The following RHOT1 variants were observed in gnomAD, a reference collection of about 807,000 sequenced individuals.
The protein encoded by RHOT1 is ras homolog family member T1, also known as mitochondrial Rho GTPase 1.
Under a neutral mutation model 95.3 loss-of-function variants are expected in RHOT1, and 27 were observed. That is an observed-to-expected ratio of 0.28 (90% CI 0.21 to 0.39). RHOT1 has a LOEUF of 0.39. RHOT1 is among the 10% of genes least tolerant of loss of function. RHOT1 has a pLI of 1.00. For missense variants in RHOT1, 578 were observed against 786.7 expected, an observed-to-expected ratio of 0.73 and a Z score of 3.17; for synonymous variants, 227 against 263.5, an observed-to-expected ratio of 0.86 and a Z score of 1.34.
intron 18 of RHOT1, among the ~76,000 whole-genome samples, chr17:32,210,200 T>G (rs2038031882): frequency 6.6e-6 from 1 of 152,152 alleles, no homozygotes; most frequent in Admixed American, 6.5e-5. Flanking sequence ...CAGGTGGCGC[T>G]CTTCTGAGTG....
At chr17:32,164,425 G>C (rs1023132203) in intron 1 of RHOT1, among the ~76,000 whole-genome samples, 8 of 151,504 alleles carry the variant, frequency 5.3e-5, no homozygotes, top group Non-Finnish European at 1.2e-4. Flanking sequence ...GTAGAGACGG[G>C]GTTTCACCAT....
In RHOT1 at chr17:32,142,682, G is replaced by A; in HGVS notation, c.-11G>A. 1 of 1,530,626 alleles carries A rather than the reference G, an allele frequency of 6.5e-7. No individual in the cohort carries two copies. The highest frequency in any genetic ancestry group is 8.8e-7 in the Non-Finnish European group (1 of 1,139,870). The allele number at this position is 1,530,626 out of a possible 1,614,324, so 94.8% of individuals were successfully genotyped here. Reference sequence around the variant, plus strand: ...CGTGCGGGCGGAGGCCGGCCCCCGAGAGCCGCCGACATGAAGAAAGACGTG... The same window carrying A: ...CGTGCGGGCGGAGGCCGGCCCCCGAAAGCCGCCGACATGAAGAAAGACGTG... On this transcript the variant is annotated 5_prime_UTR_variant, in exon 1 of 20. Transcript: ENST00000545287.
chr17:32,214,475 C>A (rs2038327730), intron 19 of RHOT1, among the ~76,000 whole-genome samples: 1 of 152,146 alleles, frequency 6.6e-6, no homozygotes, highest in Non-Finnish European at 1.5e-5. Flanking sequence ...CAGCTTGCAA[C>A]CTCAGTCTTA....
At chr17:32,172,777 C>G (rs952248295) in intron 2 of RHOT1, among the ~76,000 whole-genome samples, 1 of 152,230 alleles carries the variant, frequency 6.6e-6, no homozygotes, top group African/African-American at 2.4e-5. Context: ...TTGCAGTGAG[C>G]TGAGATCGTG....
At chr17:32,164,704 A>G (rs558786879) in intron 1 of RHOT1, among the ~76,000 whole-genome samples, 2 of 142,830 alleles carry the variant, frequency 1.4e-5, no homozygotes, top group African/African-American at 5.7e-5. Context: ...TCTCTACTAA[A>G]AATACAAAAA....
At chr17:32,176,254 T>A (rs1023356343) in intron 6 of RHOT1, 41 bp downstream of exon 6, 1 of 1,484,630 alleles carries the variant, frequency 6.7e-7, no homozygotes. Context: ...TTAAAAAGTT[T>A]AAAGCTTGCA....
chr17:32,196,441 G>T (rs537154878), intron 11 of RHOT1, among the ~76,000 whole-genome samples: 1 of 152,100 alleles, frequency 6.6e-6, no homozygotes, highest in South Asian at 2.1e-4. Context: ...ATCCTCCCGC[G>T]TTGACCTCCT....
intron 8 of RHOT1, among the ~76,000 whole-genome samples, chr17:32,186,530 A>G (rs1373116218): frequency 6.6e-6 from 1 of 151,314 alleles, no homozygotes; most frequent in Non-Finnish European, 1.5e-5. Flanking sequence ...CGCCCGGCTA[A>G]TTTTTTTTGT....
At chr17:32,196,017 T>C (rs931778889) in intron 11 of RHOT1, among the ~76,000 whole-genome samples, 1 of 152,144 alleles carries the variant, frequency 6.6e-6, no homozygotes, top group Non-Finnish European at 1.5e-5. Flanking sequence ...TCTTTGCCTT[T>C]AATTTTCTGC....
intron 1 of RHOT1, among the ~76,000 whole-genome samples, chr17:32,147,983 G>C (rs924638345): frequency 6.6e-6 from 1 of 152,052 alleles, no homozygotes; most frequent in Non-Finnish European, 1.5e-5. Flanking sequence ...TGCTTAATAA[G>C]GGTGGGGCGC....
chr17:32,192,173 A>G (rs184482752), intron 8 of RHOT1, 28 bp from the exon 9 acceptor site: 1 of 1,078,306 alleles, frequency 9.3e-7, no homozygotes, highest in Non-Finnish European at 1.4e-6. Context: ...CAGTTTAAAC[A>G]ATTATTTCTT....
intron 1 of RHOT1, among the ~76,000 whole-genome samples, chr17:32,144,253 G>T (rs193285655): frequency 6.6e-6 from 1 of 152,124 alleles, no homozygotes; most frequent in African/African-American, 2.4e-5. Context: ...AGGCTGGAGT[G>T]CAGTGCCTGG....
chr17:32,180,073 G>A (rs112522174), intron 6 of RHOT1: 7,694 of 151,246 alleles, frequency 0.051, 229 homozygotes, highest in South Asian at 0.07. Context: ...TGTGAGGAGC[G>A]CCTCTGCCCG....
At chr17:32,181,589 GA>G (rs1567687813) in intron 6 of RHOT1, among the ~76,000 whole-genome samples, 1 of 152,062 alleles carries the variant, frequency 6.6e-6, no homozygotes, top group Non-Finnish European at 1.5e-5. Context: ...AACATATACT[GA>G]GGTACATACC....
intron 19 of RHOT1, among the ~76,000 whole-genome samples, chr17:32,212,182 C>G (rs911006302): frequency 6.6e-6 from 1 of 152,206 alleles, no homozygotes; most frequent in African/African-American, 2.4e-5. Context: ...TGGACACTCA[C>G]TGAGGGCTAG....
At chr17:32,145,120 C>G (rs921647391) in intron 1 of RHOT1, among the ~76,000 whole-genome samples, 3 of 151,978 alleles carry the variant, frequency 2.0e-5, no homozygotes, top group Non-Finnish European at 4.4e-5. Flanking sequence ...ACCAACATGA[C>G]GAAACCCAGT....
At chr17:32,211,265 AG>A in intron 19 of RHOT1, 27 bp downstream of exon 19, 1 of 1,564,896 alleles carries the variant, frequency 6.4e-7, no homozygotes, top group Non-Finnish European at 8.7e-7. Flanking sequence ...ACTGGGTACC[AG>A]GCATTCTGTT....
chr17:32,178,650 C>T (rs1022708656), intron 6 of RHOT1, among the ~76,000 whole-genome samples: 1 of 149,644 alleles, frequency 6.7e-6, no homozygotes, highest in South Asian at 2.1e-4. Context: ...CCCGGCTGCC[C>T]ATCGTCTGGG....
In RHOT1 at chr17:32,225,189, C is replaced by G. The variant is rs1350652654; in HGVS notation, c.*456C>G. On this transcript the variant is annotated 3_prime_UTR_variant, in exon 20 of 20. Transcript: ENST00000545287. ...TTGGGTTCTATAAGGACATAAGGTA[C>G]AATTTGCCATTGTCTCTCCATTTTT... is the stretch of plus-strand genomic sequence containing the variant. The G allele has an allele frequency of 6.5e-6, 1 of 153,876 alleles. No homozygotes were observed. The highest frequency in any genetic ancestry group is 1.5e-5 in the Non-Finnish European group (1 of 68,848). The allele number at this position is 153,876 out of a possible 1,614,324, so 9.5% of individuals were successfully genotyped here. A position where few individuals can be genotyped will look rare whatever the true frequency, so the allele number is the denominator to read the frequency against.
Sources: gnomAD v4.1 joint callset for allele counts (sites outside exome capture counted in the v4.1 genomes callset) on GRCh38, gnomAD v4.1.1 for gene constraint, MANE v1.5 for transcripts, NCBI Gene and HGNC (gene_info 2026-07-23, HGNC 2026-07-21) for gene names.